The following JARID2 variants were observed in gnomAD, a reference collection of about 807,000 sequenced individuals.
The protein encoded by JARID2 is jumonji and AT-rich interaction domain containing 2, also known as protein Jumonji.
Under a neutral mutation model 125.6 loss-of-function variants are expected in JARID2, and 21 were observed. The ratio of observed to expected loss-of-function variants is 0.17; its 90% CI spans 0.12 to 0.24. The LOEUF is 0.24. Ranked by LOEUF, JARID2 falls within the 10% of genes least tolerant of loss-of-function variation. The pLI, the probability that JARID2 is intolerant of heterozygous loss-of-function variation, is 1.00. For synonymous variants in JARID2, 736 were observed against 661.6 expected (o/e 1.11, Z -1.73); for missense variants, 1,303 against 1,639.6 (o/e 0.79, Z 3.55).
intron 14 of JARID2, 23 bp downstream of exon 14, chr6:15,512,413 C>G: frequency 1.2e-6 from 2 of 1,608,962 alleles, no homozygotes; most frequent in Non-Finnish European, 1.7e-6. Context: ...GGCCTCCTCC[C>G]GCTTGCTGCC....
intron 5 of JARID2, among the ~76,000 whole-genome samples, chr6:15,478,879 C>T (rs56988651): frequency 2.8e-3 from 419 of 152,130 alleles, no homozygotes; most frequent in African/African-American, 9.6e-3. Flanking sequence ...CTGTGTTGGC[C>T]AGGATGCTCT....
chr6:15,514,950 T>G (rs931052905), intron 16 of JARID2, among the ~76,000 whole-genome samples: 11 of 152,360 alleles, frequency 7.2e-5, no homozygotes, highest in African/African-American at 2.6e-4. Flanking sequence ...ATTTGGTTCT[T>G]AAAAGAAAAT....
At chr6:15,276,426 C>T (rs1471253120) in intron 1 of JARID2, among the ~76,000 whole-genome samples, 1 of 152,184 alleles carries the variant, frequency 6.6e-6, no homozygotes, top group African/African-American at 2.4e-5. Flanking sequence ...ATATAACTGT[C>T]TCATATGATT....
intron 6 of JARID2, among the ~76,000 whole-genome samples, chr6:15,489,361 A>AGGGT (rs980193483): frequency 2.6e-5 from 4 of 152,212 alleles, no homozygotes; most frequent in African/African-American, 9.7e-5. Flanking sequence ...GCAGGAATGA[A>AGGGT]GGGTGGCAGA....
At chr6:15,433,921 G>GGGGTGT (rs1380689957) in intron 3 of JARID2, among the ~76,000 whole-genome samples, 3 of 131,312 alleles carry the variant, frequency 2.3e-5, no homozygotes, top group South Asian at 5.3e-4. Context: ...CACTCTCCAG[G>GGGGTGT]GTGTGTGTGT....
At chr6:15,324,491 T>C (rs1425240737) in intron 1 of JARID2, 2 of 152,106 alleles carry the variant, frequency 1.3e-5, no homozygotes, top group African/African-American at 4.8e-5. Context: ...CCCTCCTTTT[T>C]CTTCTTCTTT....
At chr6:15,328,666 C>G (rs912488679) in intron 1 of JARID2, among the ~76,000 whole-genome samples, 8 of 152,132 alleles carry the variant, frequency 5.3e-5, no homozygotes, top group South Asian at 2.1e-4. Flanking sequence ...CTCGTTTACT[C>G]CAGACTTCAG....
chr6:15,312,009 A>G (rs1237550365), intron 1 of JARID2, among the ~76,000 whole-genome samples: 1 of 152,208 alleles, frequency 6.6e-6, no homozygotes, highest in Non-Finnish European at 1.5e-5. Context: ...CATTCTACAT[A>G]TGCACCCCTA....
chr6:15,315,131 A>T (rs1465354097), intron 1 of JARID2: 2 of 152,244 alleles, frequency 1.3e-5, no homozygotes, highest in African/African-American at 4.8e-5. Flanking sequence ...AATAATTTTT[A>T]CATACTAAAT....
At chr6:15,322,939 C>T (rs929984386) in intron 1 of JARID2, among the ~76,000 whole-genome samples, 2 of 152,140 alleles carry the variant, frequency 1.3e-5, no homozygotes, top group Non-Finnish European at 2.9e-5. Context: ...ACTCTTAAAC[C>T]AGAGAGAAAA....
chr6:15,311,082 T>C (rs1209094140), intron 1 of JARID2, among the ~76,000 whole-genome samples: 1 of 152,096 alleles, frequency 6.6e-6, no homozygotes, highest in Admixed American at 6.6e-5. Context: ...CTATAATAAT[T>C]CTCTAATAAG....
intron 17 of JARID2, among the ~76,000 whole-genome samples, chr6:15,517,781 T>G (rs1318535951): frequency 6.6e-6 from 1 of 152,202 alleles, no homozygotes; most frequent in Non-Finnish European, 1.5e-5. Flanking sequence ...ACACAGCCTG[T>G]GCAGCTGGGG....
intron 1 of JARID2, among the ~76,000 whole-genome samples, chr6:15,365,620 CTT>C (rs111881842): frequency 8.9e-5 from 13 of 145,482 alleles, no homozygotes; most frequent in African/African-American, 1.8e-4. Context: ...TCAGCTGCAG[CTT>C]TTTTTTTTTT....
intron 1 of JARID2, among the ~76,000 whole-genome samples, chr6:15,251,410 G>C (rs1032304797): frequency 3.9e-5 from 6 of 152,202 alleles, no homozygotes; most frequent in Admixed American, 1.3e-4. Context: ...GCATTGCTCT[G>C]ATCATCCTGA....
chr6:15,520,324 G>A lies in JARID2; in HGVS notation c.*73G>A, dbSNP rs1328088789. 17 of 1,184,670 alleles carry A rather than the reference G, an allele frequency of 1.4e-5. No homozygotes were observed. Among genetic ancestry groups the A allele is most frequent in the Non-Finnish European group, 1.8e-5 (16 of 870,696 alleles). 73.4% of individuals were successfully genotyped at this position (1,184,670 alleles called of 1,614,324 possible). On this transcript the variant is annotated 3_prime_UTR_variant, in exon 18 of 18. Transcript: ENST00000341776. ...TATATTCTAGTTTGGAGTACTTGCT[G>A]TAGGATTCAAGCTGTCTTTGCACTA... is the stretch of plus-strand genomic sequence containing the variant.
chr6:15,342,921 G>A (rs1015954210), intron 1 of JARID2, among the ~76,000 whole-genome samples: 1 of 152,076 alleles, frequency 6.6e-6, no homozygotes, highest in African/African-American at 2.4e-5. Flanking sequence ...AAATAGTGAC[G>A]GTTAGGCCTG....
chr6:15,328,742 AC>A (rs1251622396), intron 1 of JARID2, among the ~76,000 whole-genome samples: 1 of 152,182 alleles, frequency 6.6e-6, no homozygotes, highest in Non-Finnish European at 1.5e-5. Flanking sequence ...GTCAAGAAAC[AC>A]CTTCCTCTGT....
At chr6:15,280,872 T>C (rs1373236267) in intron 1 of JARID2, among the ~76,000 whole-genome samples, 1 of 152,114 alleles carries the variant, frequency 6.6e-6, no homozygotes, top group Non-Finnish European at 1.5e-5. Context: ...CAGGTTATCC[T>C]CCTGCCTTGA....
At chr6:15,452,358 C>A (rs1036443946) in intron 4 of JARID2, 183 bp downstream of exon 4, 11 of 477,678 alleles carry the variant, frequency 2.3e-5, no homozygotes, top group Admixed American at 1.9e-4. Flanking sequence ...GGCTTTTGAA[C>A]CATCAGTTAA....
Sources: gnomAD v4.1 joint callset for allele counts (sites outside exome capture counted in the v4.1 genomes callset) on GRCh38, gnomAD v4.1.1 for gene constraint, MANE v1.5 for transcripts, NCBI Gene and HGNC (gene_info 2026-07-23, HGNC 2026-07-21) for gene names.